Variants in COL16A1 observed in about 807,000 individuals in gnomAD.
The protein encoded by COL16A1 is collagen type XVI alpha 1 chain.
A neutral mutation model predicts 266.3 loss-of-function variants in COL16A1; 189 were observed. That is an observed-to-expected ratio of 0.71 (90% confidence interval 0.63 to 0.80). The LOEUF is 0.80. COL16A1 is among the 30% of genes least tolerant of loss of function. The pLI, the probability that COL16A1 is intolerant of heterozygous loss-of-function variation, is 0.00. For missense variants in COL16A1, 1,928 were observed against 2,122.4 expected (o/e 0.91, Z 1.80); for synonymous variants, 740 against 782.3 (o/e 0.95, Z 0.90).
In COL16A1 at chr1:31,679,226, G is replaced by A. The variant is rs1643421307; in HGVS notation, c.2772+406C>T. On this transcript the variant is annotated intron_variant, in intron 42 of 70. Transcript: ENST00000373672. ...TAGAATATAAGCTCCAAGAGGGCAG[G>A]GACTTTTATTTTTAGCCACTACTGT... is the stretch of plus-strand genomic sequence containing the variant. 12 of 578,916 alleles carry A rather than the reference G, an allele frequency of 2.1e-5. No homozygotes were observed. The East Asian group carries it at 3.5e-4, about 17-fold the overall frequency. 35.9% of individuals were successfully genotyped at this position (578,916 alleles called of 1,614,324 possible).
Position 31,665,196 on chromosome 1 carries a change from G to A in COL16A1, c.3531C>T (p.Gly1177=), listed in dbSNP as rs780852966. 3.1e-6 allele frequency: 5 copies of A among 1,603,214 alleles called. No homozygotes were observed. The highest frequency in any genetic ancestry group is 4.2e-6 in the Non-Finnish European group (5 of 1,177,062). Residue 1177 remains glycine (G), a synonymous_variant, in exon 56 of 71, where the codon GGC becomes GGT. Transcript: ENST00000373672. ...PGFPGKVGSP[G]PPGPQAEKGS... ...CCTTCTCTGCTTGAGGGCCAGGTGG[G>A]CCAGGTGATCCAACTTTGCCTGGGA...
chr1:31,658,765 G>T, intron 63 of COL16A1, 149 bp downstream of exon 63: 2 of 1,112,926 alleles, frequency 1.8e-6, no homozygotes, highest in Non-Finnish European at 2.6e-6. Context: ...CCTGGAAGGC[G>T]AGATCTTTGG....
rs766703657 is a variant in COL16A1 at position 31,702,242 on chromosome 1, G to GA, written c.-34-16dup. On this transcript the variant is annotated splice_polypyrimidine_tract_variant and intron_variant, in intron 1 of 70. Transcript: ENST00000373672. Reference sequence around the variant, plus strand: ...AGCCACAGCACCTGAAAACCACAGAGACCGGGAAGGCGGATTTCTGAGTTC... The same window carrying GA: ...AGCCACAGCACCTGAAAACCACAGAGAACCGGGAAGGCGGATTTCTGAGTTC... 6.2e-7 allele frequency: 1 copy of GA among 1,612,820 alleles called. No homozygotes were observed. The highest frequency in any genetic ancestry group is 1.1e-5 in the South Asian group (1 of 90,958).
chr1:31,689,045 C>G lies in COL16A1; in HGVS notation c.1656+5G>C. 6.2e-7 allele frequency: 1 copy of G among 1,613,948 alleles called. No individual in the cohort carries two copies. The highest frequency in any genetic ancestry group is 8.5e-7 in the Non-Finnish European group (1 of 1,179,998). ...AGGGCAGCCAGGAGAGCAGGGTTCC[C>G]TCACCTTCTCTCCTTTGATGCCTTG... On this transcript the variant is annotated splice_donor_5th_base_variant and intron_variant, in intron 24 of 70. Transcript: ENST00000373672.
chr1:31,697,451 C>T lies in COL16A1; in HGVS notation c.658-151G>A, dbSNP rs997562998. 2 of 766,564 alleles carry T rather than the reference C, an allele frequency of 2.6e-6. No individual in the cohort carries two copies. Among genetic ancestry groups the T allele is most frequent in the Non-Finnish European group, 4.1e-6 (2 of 485,844 alleles). 47.5% of individuals were successfully genotyped at this position (766,564 alleles called of 1,614,324 possible). On this transcript the variant is annotated intron_variant, in intron 6 of 70. Coordinates refer to ENST00000373672, the MANE Select transcript of COL16A1 (RefSeq NM_001856.4). The surrounding 1 kb of genome is among the most constrained non-coding windows in gnomAD (Gnocchi z 4.2). ...GGAGACATCAAAAATAGAGTTGTCA[C>T]CAAAGGCAGAACAAAACTGCGCACA...
Position 31,686,081 on chromosome 1 carries a change from C to A in COL16A1, c.1884+10G>T. 6.2e-7 allele frequency: 1 copy of A among 1,613,910 alleles called. No individual in the cohort carries two copies. The highest frequency in any genetic ancestry group is 1.1e-5 in the South Asian group (1 of 91,038). ...CCAGGCTGCAGCACGGAGAATGTCC[C>A]CAGACTCACCTTCGCCCCTTTGATG... On this transcript the variant is annotated intron_variant, in intron 28 of 70. Transcript: ENST00000373672.
At chr1:31,696,260 C>A in intron 8 of COL16A1, 119 bp from the exon 9 acceptor site, 5 of 864,542 alleles carry the variant, frequency 5.8e-6, no homozygotes, top group Non-Finnish European at 9.3e-6. Flanking sequence ...TGGCATCTGG[C>A]ACCTCCTGGG....
chr1:31,680,829 A>G, intron 39 of COL16A1, 76 bp downstream of exon 39: 1 of 1,610,288 alleles, frequency 6.2e-7, no homozygotes. Flanking sequence ...AATCCCCCAG[A>G]GTACGGGTCA....
rs993240484 is a variant in COL16A1 at position 31,664,062 on chromosome 1, T to C, written c.3555+1110A>G. 6.6e-6 allele frequency among the ~76,000 whole-genome samples: 1 copy of C among 151,620 alleles called. No homozygotes were observed. The highest frequency in any genetic ancestry group is 2.1e-4 in the South Asian group (1 of 4,778). ...AACCAATGTTGGCCCCCACTGGCAG[T>C]TGGGATGAAGAACCACTGGCCAGAG... On this transcript the variant is annotated intron_variant, in intron 56 of 70. Coordinates refer to ENST00000373672, the MANE Select transcript of COL16A1 (RefSeq NM_001856.4). This position sits in a 1 kb window ranked among gnomAD's most constrained non-coding sequence, Gnocchi z 5.5.
chr1:31,653,367 C>T, intron 70 of COL16A1: 1 of 493,918 alleles, frequency 2.0e-6, no homozygotes, highest in Admixed American at 3.6e-5. Flanking sequence ...GCAGCTCTCT[C>T]CTACTGCATC....
chr1:31,699,051 C>T (rs1016609476), intron 4 of COL16A1, among the ~76,000 whole-genome samples: 14 of 152,018 alleles, frequency 9.2e-5, no homozygotes, highest in Non-Finnish European at 1.8e-4. Context: ...GCCAAGATCA[C>T]GCCACTGCAC....
chr1:31,685,645 T>C lies in COL16A1; in HGVS notation c.2010A>G (p.Gly670=). ...EPGPPGFGLP[G]KQGKAGERGL... ...TGCCTATATCCCACCTCACCTGTTT[T>C]CCTGGCAAGCCAAAGCCTGGAGGCC... The change falls in exon 29 of 71, where the codon GGA becomes GGG. Residue 670 remains glycine, a synonymous_variant. Transcript: ENST00000373672. This position sits in a 1 kb window ranked among gnomAD's most constrained non-coding sequence, Gnocchi z 4.0. 3 of 1,613,826 alleles carry C rather than the reference T, an allele frequency of 1.9e-6. No individual in the cohort carries two copies. The highest frequency in any genetic ancestry group is 2.5e-6 in the Non-Finnish European group (3 of 1,179,922).
In COL16A1 at chr1:31,691,486, C is replaced by T. The variant is rs1644265599; in HGVS notation, c.1329G>A (p.Glu443=). The T allele has an allele frequency of 1.2e-6, 2 of 1,613,680 alleles. No individual in the cohort carries two copies. Among genetic ancestry groups the T allele is most frequent in the Non-Finnish European group, 1.7e-6 (2 of 1,179,744 alleles). The part of the protein sequence containing the change: ...QKGDPGFVGP[E]GLAGEPGPPG... The stretch of plus-strand genomic sequence containing the variant: ...GGGGCCCAGGCTCTCCTGCCAGCCC[C>T]TCAGGCCCAACAAAGCCAGGGTCTC... The change falls in exon 19 of 71, where the codon GAG becomes GAA. Residue 443 remains glutamate (E), a synonymous_variant. Transcript: ENST00000373672.
rs1644169805 is a variant in COL16A1 at position 31,689,741 on chromosome 1, C to T, written c.1620G>A (p.Arg540=). The T allele has an allele frequency of 3.7e-6, 6 of 1,613,614 alleles. No homozygotes were observed. The highest frequency in any genetic ancestry group is 4.2e-6 in the Non-Finnish European group (5 of 1,179,722). ...CTCAATGGTCACCCTGGGCACTCAC[C>T]CTGGCTGGTACAGGATCACCAGGCT... ...KGEPGDPVPA[R]GDPGIQGIKG... The change falls in exon 23 of 71, where the codon AGG becomes AGA. Residue 540 remains arginine, a splice_region_variant and synonymous_variant. Coordinates refer to ENST00000373672, the MANE Select transcript of COL16A1 (RefSeq NM_001856.4).
At chr1:31,692,317 C>T (rs1464057753) in intron 16 of COL16A1, among the ~76,000 whole-genome samples, 157 bp downstream of exon 16, 2 of 149,080 alleles carry the variant, frequency 1.3e-5, no homozygotes, top group African/African-American at 2.5e-5. Flanking sequence ...TTGGACGAGG[C>T]AGGGTGACTG....
At chr1:31,686,315 GA>G in intron 26 of COL16A1, 36 bp from the exon 27 acceptor site, 3 of 1,614,146 alleles carry the variant, frequency 1.9e-6, no homozygotes, top group Non-Finnish European at 2.5e-6. Flanking sequence ...TTAAAGAGGG[GA>G]TGGAGTCTGG....
At position 31,652,561 on chromosome 1, in the gene COL16A1, A is replaced by AC. The variant is rs973326368; in HGVS notation, c.*89_*90insG. 32 of 1,334,170 alleles carry AC rather than the reference A, an allele frequency of 2.4e-5. No homozygotes were observed. Among genetic ancestry groups the AC allele is most frequent in the Middle Eastern group, 2.2e-4 (1 of 4,560 alleles). The allele number at this position is 1,334,170 out of a possible 1,614,324, so 82.6% of individuals were successfully genotyped here. A position where few individuals can be genotyped will look rare whatever the true frequency, so the allele number is the denominator to read the frequency against. On this transcript the variant is annotated 3_prime_UTR_variant, in exon 71 of 71. Coordinates refer to ENST00000373672, the MANE Select transcript of COL16A1 (RefSeq NM_001856.4). The surrounding 1 kb of genome is among the most constrained non-coding windows in gnomAD (Gnocchi z 4.8). ...GCAATTAAAAACAACAACAACAACA[A>AC]AAAAAACATTCACAACCTGTCACAG...
rs368934818 is a variant in COL16A1 at position 31,702,104 on chromosome 1, C to G, written c.73+17G>C. The G allele has an allele frequency of 9.9e-6, 16 of 1,614,050 alleles. No homozygotes were observed. Among genetic ancestry groups the G allele is most frequent in the African/African-American group, 1.3e-5 (1 of 75,040 alleles). On this transcript the variant is annotated intron_variant, in intron 2 of 70. Coordinates refer to ENST00000373672, the MANE Select transcript of COL16A1 (RefSeq NM_001856.4). Reference sequence around the variant, plus strand: ...GTTGCAGGCCTGTGATACTGTGACTCTCCTGTGTCATCTCACCTGTATTTG... The same window carrying G: ...GTTGCAGGCCTGTGATACTGTGACTGTCCTGTGTCATCTCACCTGTATTTG...
At position 31,683,741 on chromosome 1, in the gene COL16A1, G is replaced by C. The variant is rs770350682; in HGVS notation, c.2345C>G (p.Pro782Arg). The stretch of plus-strand genomic sequence containing the variant: ...CTGGACTCCCCTTCCTGGAGGCCCT[G>C]GCTCTCCCTGAAGAGGCAGAAGGAC... ...PPGLKGVQGEPGPPGRGVQGP... is the reference protein window; with the variant it reads ...PPGLKGVQGERGPPGRGVQGP... Residue 782 changes from proline to arginine, a missense_variant, in exon 34 of 71, where the codon CCA (proline) becomes CGA (arginine). Pro to Arg is a moderately radical substitution (Grantham distance 103). Coordinates refer to ENST00000373672, the MANE Select transcript of COL16A1 (RefSeq NM_001856.4). 1 of 1,614,104 alleles carries C rather than the reference G, an allele frequency of 6.2e-7. No homozygotes were observed. Among genetic ancestry groups the C allele is most frequent in the Admixed American group, 1.7e-5 (1 of 60,014 alleles).
Sources: allele counts gnomAD v4.1 joint callset (sites outside exome capture counted in the v4.1 genomes callset), GRCh38; gene constraint gnomAD v4.1.1; non-coding constraint Gnocchi (gnomAD v3.1); transcripts MANE v1.5; gene names NCBI Gene and HGNC (gene_info 2026-07-23, HGNC 2026-07-21).